The following IGF2BP3 variants were observed in gnomAD, a reference collection of about 807,000 sequenced individuals.
The protein encoded by IGF2BP3 is insulin like growth factor 2 mRNA binding protein 3.
A neutral mutation model predicts 73.8 loss-of-function variants in IGF2BP3; 9 were observed. The ratio of observed to expected loss-of-function variants is 0.12; its 90% CI spans 0.07 to 0.21. IGF2BP3 has a LOEUF of 0.21. Among genes scored for constraint, IGF2BP3 ranks in the 10% least tolerant of loss-of-function variants. The pLI, the probability that IGF2BP3 is intolerant of heterozygous loss-of-function variation, is 1.00. For synonymous variants in IGF2BP3, 258 were observed against 256.7 expected (o/e 1.01, Z -0.05); for missense variants, 542 against 714.0 (o/e 0.76, Z 2.75).
At chr7:23,435,665 C>G (rs1210401869) in intron 2 of IGF2BP3, among the ~76,000 whole-genome samples, 1 of 152,122 alleles carries the variant, frequency 6.6e-6, no homozygotes, top group African/African-American at 2.4e-5. Context: ...ACCATGTTGG[C>G]CAGGATGGTC....
chr7:23,328,171 C>T (rs531533360), intron 10 of IGF2BP3, among the ~76,000 whole-genome samples: 52 of 152,260 alleles, frequency 3.4e-4, no homozygotes, highest in African/African-American at 1.2e-3. Flanking sequence ...CAACTACTAT[C>T]ATCTTAAATC....
intron 3 of IGF2BP3, among the ~76,000 whole-genome samples, chr7:23,384,880 G>C (rs1484152147): frequency 1.1e-5 from 1 of 94,334 alleles, no homozygotes; most frequent in Non-Finnish European, 2.1e-5. Context: ...GACAGAGTGA[G>C]ACTATCTCAA....
At chr7:23,404,420 G>C (rs1349928925) in intron 3 of IGF2BP3, among the ~76,000 whole-genome samples, 1 of 152,134 alleles carries the variant, frequency 6.6e-6, no homozygotes, top group Non-Finnish European at 1.5e-5. Flanking sequence ...ACATGTGAGA[G>C]TCTAGGAGTA....
rs368578634 is a variant in IGF2BP3 at position 23,312,771 on chromosome 7, C to G, written c.1605G>C (p.Val535=). 1.9e-5 allele frequency: 30 copies of G among 1,611,638 alleles called. No homozygotes were observed. In the African/African-American group the frequency reaches 3.5e-4, roughly 19 times the overall value. Residue 535 remains valine (V), a synonymous_variant, in exon 14 of 15, where the codon GTG becomes GTC. Transcript: ENST00000258729. ...RDQTPDENDQ[V]VVKITGHFYA... ...AGAAGTGACCAGTTATTTTGACAAC[C>G]ACTTGGTCATTCTCATCAGGTGTCT...
At chr7:23,462,471 C>T (rs375300541) in intron 2 of IGF2BP3, among the ~76,000 whole-genome samples, 66 of 152,138 alleles carry the variant, frequency 4.3e-4, no homozygotes, top group African/African-American at 1.5e-3. Flanking sequence ...ACGCCATTCT[C>T]CTGCCTCAGC....
chr7:23,318,326 G>A (rs1784047368), intron 11 of IGF2BP3, among the ~76,000 whole-genome samples: 1 of 152,110 alleles, frequency 6.6e-6, no homozygotes, highest in South Asian at 2.1e-4. Flanking sequence ...AAGCTCAAGT[G>A]TTCCTCCCAC....
At chr7:23,353,262 C>CA (rs1195713147) in intron 5 of IGF2BP3, among the ~76,000 whole-genome samples, 1 of 152,082 alleles carries the variant, frequency 6.6e-6, no homozygotes, top group Admixed American at 6.6e-5. Context: ...AATCTACTCT[C>CA]AATTCTTAAA....
intron 2 of IGF2BP3, among the ~76,000 whole-genome samples, chr7:23,434,546 A>C (rs772507313): frequency 1.3e-5 from 2 of 152,194 alleles, no homozygotes; most frequent in African/African-American, 2.4e-5. Flanking sequence ...AGTTTCACGC[A>C]CTCTGAGAAC....
At chr7:23,389,772 T>A (rs1786210687) in intron 3 of IGF2BP3, among the ~76,000 whole-genome samples, 1 of 144,834 alleles carries the variant, frequency 6.9e-6, no homozygotes, top group Admixed American at 7.1e-5. Context: ...GTCAGGAGGA[T>A]CCCTTGAGGT....
At chr7:23,320,454 G>A (rs1255054329) in intron 10 of IGF2BP3, among the ~76,000 whole-genome samples, 1 of 150,310 alleles carries the variant, frequency 6.7e-6, no homozygotes, top group Non-Finnish European at 1.5e-5. Flanking sequence ...GTTCAGTAAT[G>A]CTACCAGTCA....
At chr7:23,467,029 C>T (rs10260965) in intron 2 of IGF2BP3, among the ~76,000 whole-genome samples, 3 of 152,234 alleles carry the variant, frequency 2.0e-5, no homozygotes, top group South Asian at 4.1e-4. Context: ...CTTCTTTTTA[C>T]GGGAATATGA....
At chr7:23,314,654 A>C (rs541701105) in intron 12 of IGF2BP3, among the ~76,000 whole-genome samples, 1 of 152,166 alleles carries the variant, frequency 6.6e-6, no homozygotes, top group East Asian at 1.9e-4. Context: ...CAGCTATGCC[A>C]AGCTCACTAA....
chr7:23,326,311 A>C (rs1230746246), intron 10 of IGF2BP3, among the ~76,000 whole-genome samples: 25 of 152,230 alleles, frequency 1.6e-4, no homozygotes. Flanking sequence ...AACACACATG[A>C]AAAAATGCTC....
chr7:23,350,620 A>G (rs1784936157), intron 6 of IGF2BP3, among the ~76,000 whole-genome samples: 1 of 152,264 alleles, frequency 6.6e-6, no homozygotes, highest in South Asian at 2.1e-4. Flanking sequence ...CATAATTCAC[A>G]TACAGTCATT....
In IGF2BP3 at chr7:23,351,396, G is replaced by A. The variant is rs532442867; in HGVS notation, c.592C>T (p.Leu198=). ...VSKQKPCDLP[L]RLLVPTQFVG... Reference sequence around the variant, plus strand: ...AATTGGGTGGGAACCAGCAGGCGCAGAGGCAAATCACATGGTTTCTGCTTG... The same window carrying A: ...AATTGGGTGGGAACCAGCAGGCGCAAAGGCAAATCACATGGTTTCTGCTTG... The change falls in exon 6 of 15, where the codon CTG becomes TTG. Residue 198 remains leucine, a synonymous_variant. Transcript: ENST00000258729. The A allele has an allele frequency of 1.2e-6, 2 of 1,613,954 alleles. No individual in the cohort carries two copies. Among genetic ancestry groups the A allele is most frequent in the East Asian group, 4.5e-5 (2 of 44,866 alleles).
intron 2 of IGF2BP3, among the ~76,000 whole-genome samples, chr7:23,451,135 G>C (rs1053117364): frequency 6.6e-6 from 1 of 152,110 alleles, no homozygotes; most frequent in African/African-American, 2.4e-5. Context: ...GAGTGTTTTA[G>C]GGCCAGACGC....
At chr7:23,415,447 G>A (rs568140338) in intron 3 of IGF2BP3, 7 of 163,884 alleles carry the variant, frequency 4.3e-5, no homozygotes, top group East Asian at 2.3e-4. Flanking sequence ...CACCGCATCC[G>A]CAGGTCCCCC....
rs531004562 is a variant in IGF2BP3 at position 23,442,377 on chromosome 7, A to G, written c.237-23553T>C. On this transcript the variant is annotated intron_variant, in intron 2 of 14. Coordinates refer to ENST00000258729, the MANE Select transcript of IGF2BP3 (RefSeq NM_006547.3). ...TCATCTTAGGTTTTATGCAAGGTCAATAACATAGAATAACATTCCATTTTT... is the reference window on the plus strand; with the variant it reads ...TCATCTTAGGTTTTATGCAAGGTCAGTAACATAGAATAACATTCCATTTTT... Among the ~76,000 whole-genome samples the G allele has an allele frequency of 4.0e-5, 6 of 151,186 alleles. No homozygotes were observed. In the South Asian group the frequency reaches 1.1e-3, roughly 26 times the overall value.
chr7:23,361,856 T>A, intron 3 of IGF2BP3, 115 bp from the exon 4 acceptor site: 1 of 836,778 alleles, frequency 1.2e-6, no homozygotes, highest in Non-Finnish European at 1.9e-6. Context: ...CAAAAAATTA[T>A]CTGGGGCTTT....
Sources: allele counts gnomAD v4.1 joint callset (sites outside exome capture counted in the v4.1 genomes callset), GRCh38; gene constraint gnomAD v4.1.1; transcripts MANE v1.5; gene names NCBI Gene and HGNC (gene_info 2026-07-23, HGNC 2026-07-21).